TMEM132B: variants seen among roughly 807,000 people sequenced by gnomAD.
TMEM132B encodes transmembrane protein 132B.
A neutral mutation model predicts 90.8 loss-of-function variants in TMEM132B; 18 were observed. That is an observed-to-expected ratio of 0.20 (90% CI 0.14 to 0.29). TMEM132B has a LOEUF of 0.29. TMEM132B is among the 10% of genes least tolerant of loss of function. The pLI is 1.00. For synonymous variants in TMEM132B, 504 were observed against 523.3 expected (o/e 0.96, Z 0.50); for missense variants, 1,096 against 1,326.8 (o/e 0.83, Z 2.70).
intron 3 of TMEM132B, among the ~76,000 whole-genome samples, chr12:125,440,723 C>G (rs889048193): frequency 6.6e-6 from 1 of 152,132 alleles, no homozygotes; most frequent in Non-Finnish European, 1.5e-5. Flanking sequence ...GGCCCATAAA[C>G]CTGTTTCATT....
At position 125,206,271 on chromosome 12, in the gene TMEM132B, C is replaced by T. The variant is rs187682703; in HGVS notation, c.67+19405C>T. 1.3e-3 allele frequency among the ~76,000 whole-genome samples: 203 copies of T among 152,220 alleles called. 2 individuals carry two copies. The highest frequency in any genetic ancestry group is 5.5e-3 in the Admixed American group (84 of 15,276). ...TTGTTTGTTTTGAGACAGAGTCTCA[C>T]TATGTAGCGCAGGCTGGAGTGCAGT... On this transcript the variant is annotated intron_variant, in intron 1 of 8. Coordinates refer to ENST00000682704, the MANE Select transcript of TMEM132B (RefSeq NM_001366854.1).
chr12:125,469,347 TAA>T (rs1881651567), intron 3 of TMEM132B, among the ~76,000 whole-genome samples: 1 of 152,236 alleles, frequency 6.6e-6, no homozygotes, highest in African/African-American at 2.4e-5. Flanking sequence ...TTCAAAGTTA[TAA>T]GTGATGTTAT....
At chr12:125,558,741 T>C (rs913390299) in intron 4 of TMEM132B, among the ~76,000 whole-genome samples, 10 of 152,238 alleles carry the variant, frequency 6.6e-5, no homozygotes, top group Middle Eastern at 3.4e-3. Context: ...AGAAGATGAG[T>C]CTAATCAATT....
chr12:125,510,039 G>A (rs1378725510), intron 3 of TMEM132B, among the ~76,000 whole-genome samples: 1 of 152,174 alleles, frequency 6.6e-6, no homozygotes, highest in Admixed American at 6.5e-5. Flanking sequence ...ATTTAAGAAC[G>A]TGGTGTAAGA....
intron 2 of TMEM132B, among the ~76,000 whole-genome samples, chr12:125,367,883 AT>A (rs1024444015): frequency 6.6e-6 from 1 of 152,036 alleles, no homozygotes; most frequent in Non-Finnish European, 1.5e-5. Context: ...TAGGTCTGCT[AT>A]TTTTTATTTT....
intron 1 of TMEM132B, among the ~76,000 whole-genome samples, chr12:125,261,242 G>GT (rs1329581872): frequency 6.6e-6 from 1 of 152,160 alleles, no homozygotes; most frequent in Non-Finnish European, 1.5e-5. Context: ...GCAAAATGAT[G>GT]TAAGGGCACA....
intron 3 of TMEM132B, among the ~76,000 whole-genome samples, chr12:125,483,391 C>G (rs1882110537): frequency 1.3e-5 from 2 of 151,816 alleles, no homozygotes; most frequent in Admixed American, 6.6e-5. Context: ...TCTGTCTGTT[C>G]TGAATATGTG....
At chr12:125,630,017 A>G (rs1460865846) in intron 5 of TMEM132B, among the ~76,000 whole-genome samples, 2 of 151,970 alleles carry the variant, frequency 1.3e-5, no homozygotes. Flanking sequence ...TCATCTTTCT[A>G]ATGTATTGTT....
chr12:125,608,520 G>C (rs1230765041), intron 5 of TMEM132B, among the ~76,000 whole-genome samples: 1 of 152,124 alleles, frequency 6.6e-6, no homozygotes, highest in African/African-American at 2.4e-5. Context: ...CCCGTGGGTT[G>C]TCCTTTCATT....
At position 125,349,377 on chromosome 12, in the gene TMEM132B, G is replaced by A; in HGVS notation, c.68-75G>A. The A allele has an allele frequency of 6.6e-7, 1 of 1,506,888 alleles. No homozygotes were observed. Among genetic ancestry groups the A allele is most frequent in the African/African-American group, 1.4e-5 (1 of 71,886 alleles). 93.3% of individuals were successfully genotyped at this position (1,506,888 alleles called of 1,614,324 possible). ...AGTGGGCGGTTTGTTGGGGAGGTGG[G>A]TGGAGACTGCACTGCATTTATTTCA... is the stretch of plus-strand genomic sequence containing the variant. On this transcript the variant is annotated intron_variant, in intron 1 of 8. Transcript: ENST00000682704. This position sits in a 1 kb window ranked among gnomAD's most constrained non-coding sequence, Gnocchi z 4.1.
rs369837862 is a variant in TMEM132B, at chr12:125,415,628, A to T, written c.1057A>T (p.Thr353Ser). 7 of 1,614,068 alleles carry T rather than the reference A, an allele frequency of 4.3e-6. No homozygotes were observed. The African/African-American group carries it at 9.3e-5, about 22-fold the overall frequency. The stretch of plus-strand genomic sequence containing the variant: ...GGAAATTGATAATGGCAGCACTCAG[A>T]CGTCGGCCACCCTCACCTGCATGGG... ...QEEIDNGSTQTSATLTCMGHR... is the reference protein window; with the variant it reads ...QEEIDNGSTQSSATLTCMGHR... The change falls in exon 3 of 9, where the codon ACG becomes TCG. Residue 353 changes from threonine (T) to serine (S), a missense_variant. Physicochemically the swap from Thr to Ser is moderately conservative, Grantham distance 58. Coordinates refer to ENST00000682704, the MANE Select transcript of TMEM132B (RefSeq NM_001366854.1). The surrounding 1 kb of genome is among the most constrained non-coding windows in gnomAD (Gnocchi z 5.3).
intron 1 of TMEM132B, among the ~76,000 whole-genome samples, chr12:125,257,332 C>T (rs1477760575): frequency 3.3e-5 from 5 of 152,116 alleles, no homozygotes; most frequent in Admixed American, 1.3e-4. Flanking sequence ...AGCAATTTCA[C>T]CTGGAGGCTC....
At chr12:125,624,150 T>C (rs1886175868) in intron 5 of TMEM132B, among the ~76,000 whole-genome samples, 1 of 152,160 alleles carries the variant, frequency 6.6e-6, no homozygotes, top group Admixed American at 6.5e-5. Context: ...GGTCCAATCA[T>C]GGAGGCCAGA....
chr12:125,261,878 T>A (rs1396997922), intron 1 of TMEM132B, among the ~76,000 whole-genome samples: 1 of 152,182 alleles, frequency 6.6e-6, no homozygotes, highest in Non-Finnish European at 1.5e-5. Context: ...ATGCCCAGGC[T>A]GCAGTGCAGT....
intron 3 of TMEM132B, among the ~76,000 whole-genome samples, chr12:125,504,052 G>C (rs991000542): frequency 2.6e-5 from 4 of 152,196 alleles, no homozygotes; most frequent in African/African-American, 9.6e-5. Context: ...ACAATCATTG[G>C]GTATTAATTA....
At chr12:125,222,752 G>C (rs1873588618) in intron 1 of TMEM132B, among the ~76,000 whole-genome samples, 1 of 152,224 alleles carries the variant, frequency 6.6e-6, no homozygotes, top group African/African-American at 2.4e-5. Context: ...ACCATCCCTG[G>C]CCCTTCCATC....
At chr12:125,192,993 C>G (rs2007829) in intron 1 of TMEM132B, among the ~76,000 whole-genome samples, 1 of 152,118 alleles carries the variant, frequency 6.6e-6, no homozygotes, top group Non-Finnish European at 1.5e-5. Context: ...ACAACAACGG[C>G]GTGCTGATGC....
intron 1 of TMEM132B, among the ~76,000 whole-genome samples, chr12:125,189,330 A>G (rs1003250730): frequency 1.2e-4 from 19 of 152,162 alleles, no homozygotes; most frequent in Admixed American, 2.0e-4. Context: ...AAATGAACGA[A>G]TCTTGCTTCG....
At chr12:125,389,330 T>TCCCTC (rs1260882518) in intron 2 of TMEM132B, among the ~76,000 whole-genome samples, 2 of 101,334 alleles carry the variant, frequency 2.0e-5, no homozygotes, top group Non-Finnish European at 4.0e-5. Context: ...CCCCTCCTCC[T>TCCCTC]CCCTCCCCTC....
Sources: gnomAD v4.1 joint callset for allele counts (sites outside exome capture counted in the v4.1 genomes callset) on GRCh38, gnomAD v4.1.1 for gene constraint, Gnocchi (gnomAD v3.1) non-coding constraint, MANE v1.5 for transcripts, NCBI Gene and HGNC (gene_info 2026-07-23, HGNC 2026-07-21) for gene names.